FLVCR2: variants seen among roughly 807,000 people sequenced by gnomAD.
FLVCR2 encodes FLVCR choline and putative heme transporter 2, also known as choline/ethanolamine transporter FLVCR2.
Under a neutral mutation model 48.9 loss-of-function variants are expected in FLVCR2, and 38 were observed. The observed-to-expected ratio is 0.78, with a 90% CI of 0.60 to 1.02. FLVCR2 has a LOEUF of 1.02. FLVCR2 is among the 50% of genes least tolerant of loss of function. The probability of loss-of-function intolerance (pLI) is 0.00; values close to 1 mark genes in which losing one functional copy is unlikely to be tolerated. For synonymous variants in FLVCR2, 255 were observed against 257.0 expected, an observed-to-expected ratio of 0.99 and a Z score of 0.07; for missense variants, 664 against 663.3, an observed-to-expected ratio of 1.00 and a Z score of -0.01.
At chr14:75,585,931 G>A (rs944075312) in intron 1 of FLVCR2, among the ~76,000 whole-genome samples, 8 of 152,198 alleles carry the variant, frequency 5.3e-5, no homozygotes, top group African/African-American at 1.9e-4. Context: ...CCGCTTACCC[G>A]ATTGAAATTG....
chr14:75,591,980 TTTTG>T (rs1888894973), intron 1 of FLVCR2, among the ~76,000 whole-genome samples: 1 of 151,668 alleles, frequency 6.6e-6, no homozygotes, highest in Non-Finnish European at 1.5e-5. Context: ...ACCTGGTTAA[TTTTG>T]TTTCTTTTTT....
In FLVCR2 at chr14:75,596,089, T is replaced by C. The variant is rs1889011710; in HGVS notation, c.669+16448T>C. On this transcript the variant is annotated intron_variant, in intron 1 of 9. Coordinates refer to ENST00000238667, the MANE Select transcript of FLVCR2 (RefSeq NM_017791.3). ...TACATTTTGGCTAGTTTTTCCCAAA[T>C]TTCTGTCTTAGGCACTGTTGCCTTC... 9 of 1,106,912 alleles carry C rather than the reference T, an allele frequency of 8.1e-6. No individual in the cohort carries two copies. The Admixed American group carries it at 1.5e-4, about 19-fold the overall frequency. 68.6% of individuals were successfully genotyped at this position (1,106,912 alleles called of 1,614,324 possible).
chr14:75,624,386 A>AT (rs1221618729), intron 2 of FLVCR2, among the ~76,000 whole-genome samples: 1 of 152,112 alleles, frequency 6.6e-6, no homozygotes, highest in East Asian at 1.9e-4. Flanking sequence ...AGAAAATGGC[A>AT]TAAAAAATAA....
rs778121578 is a variant in FLVCR2, at chr14:75,579,195, C to T, written c.223C>T (p.Leu75Phe). ...AHPSSSGPED[L>F]SVIKVSRRRW... ...CCCCAGTAGCTCGGGCCCTGAGGAC[C>T]TCAGCGTGATCAAGGTGAGCAGGCG... The change falls in exon 1 of 10, where the codon CTC (leucine) becomes TTC (phenylalanine). Residue 75 changes from leucine (L) to phenylalanine (F), a missense_variant. Leu to Phe is a conservative substitution (Grantham distance 22). Coordinates refer to ENST00000238667, the MANE Select transcript of FLVCR2 (RefSeq NM_017791.3). The T allele has an allele frequency of 1.2e-6, 2 of 1,614,088 alleles. No individual in the cohort carries two copies. The highest frequency in any genetic ancestry group is 1.7e-6 in the Non-Finnish European group (2 of 1,180,046).
chr14:75,578,757 G>A lies in FLVCR2; in HGVS notation c.-216G>A, dbSNP rs991201528. The stretch of plus-strand genomic sequence containing the variant: ...GGCCGGCCTTGGGACAGCGATCGCC[G>A]CGGGTGGCAACAGAGAGCCCCAAGC... On this transcript the variant is annotated 5_prime_UTR_variant, in exon 1 of 10. Coordinates refer to ENST00000238667, the MANE Select transcript of FLVCR2 (RefSeq NM_017791.3). 5.3e-5 allele frequency: 32 copies of A among 605,198 alleles called. No homozygotes were observed. The highest frequency in any genetic ancestry group is 9.3e-5 in the Non-Finnish European group (32 of 342,466). The allele number at this position is 605,198 out of a possible 1,614,324, so 37.5% of individuals were successfully genotyped here. A position where few individuals can be genotyped will look rare whatever the true frequency, so the allele number is the denominator to read the frequency against.
chr14:75,600,759 G>A (rs1477539821), intron 1 of FLVCR2, among the ~76,000 whole-genome samples: 4 of 151,990 alleles, frequency 2.6e-5, no homozygotes, highest in Non-Finnish European at 4.4e-5. Context: ...ATGCATCAAA[G>A]GATGCTATTA....
At chr14:75,583,197 AT>A (rs1214400688) in intron 1 of FLVCR2, among the ~76,000 whole-genome samples, 6 of 152,194 alleles carry the variant, frequency 3.9e-5, no homozygotes, top group Non-Finnish European at 7.3e-5. Context: ...GGAGGGAGGC[AT>A]TGAGGATAGG....
chr14:75,641,059 A>G lies in FLVCR2; in HGVS notation c.1340A>G (p.Gln447Arg), dbSNP rs374732067. ...ISSGLLNISA[Q>R]VFGIIFTISQ... ...TCCGGCCTCCTCAACATATCTGCACAGGTAGAGCTCGTATTTCCTGTTTGT... is the reference window on the plus strand; with the variant it reads ...TCCGGCCTCCTCAACATATCTGCACGGGTAGAGCTCGTATTTCCTGTTTGT... Residue 447 changes from glutamine (Q) to arginine (R), a missense_variant and splice_region_variant, in exon 7 of 10, where the codon CAG becomes CGG. Transcript: ENST00000238667. 6.8e-6 allele frequency: 11 copies of G among 1,611,338 alleles called. No homozygotes were observed. The highest frequency in any genetic ancestry group is 1.3e-5 in the African/African-American group (1 of 74,990).
chr14:75,616,332 A>T (rs1889617105), intron 1 of FLVCR2, among the ~76,000 whole-genome samples: 1 of 151,892 alleles, frequency 6.6e-6, no homozygotes, highest in Admixed American at 6.6e-5. Flanking sequence ...TCTCAAAAAA[A>T]AAAAATTTTT....
At chr14:75,586,202 C>T (rs1382553126) in intron 1 of FLVCR2, among the ~76,000 whole-genome samples, 3 of 152,192 alleles carry the variant, frequency 2.0e-5, no homozygotes, top group African/African-American at 7.2e-5. Flanking sequence ...ATCATTAATT[C>T]TTACAGGTTT....
intron 1 of FLVCR2, chr14:75,605,858 T>C: frequency 3.7e-6 from 2 of 537,926 alleles, no homozygotes; most frequent in Non-Finnish European, 6.7e-6. Flanking sequence ...CTCCTTTTTT[T>C]CTTCTCTCCC....
intron 1 of FLVCR2, among the ~76,000 whole-genome samples, chr14:75,588,015 A>G (rs1342942297): frequency 6.6e-6 from 1 of 152,276 alleles, no homozygotes; most frequent in South Asian, 2.1e-4. Context: ...GCACTGTCCA[A>G]TAGAAATATA....
intron 1 of FLVCR2, among the ~76,000 whole-genome samples, chr14:75,584,457 C>G (rs371961458): frequency 6.6e-6 from 1 of 152,146 alleles, no homozygotes; most frequent in African/African-American, 2.4e-5. Context: ...GGCGGTAAAG[C>G]GTCTAAGGGT....
At chr14:75,596,194 C>A in intron 1 of FLVCR2, 1 of 712,126 alleles carries the variant, frequency 1.4e-6, no homozygotes, top group Non-Finnish European at 2.5e-6. Context: ...TGGATAGTTA[C>A]TGTGTCGTTC....
intron 1 of FLVCR2, among the ~76,000 whole-genome samples, chr14:75,593,910 C>G (rs1447375543): frequency 6.6e-6 from 1 of 152,228 alleles, no homozygotes; most frequent in Non-Finnish European, 1.5e-5. Flanking sequence ...AATCTTTCTG[C>G]TCTGCTTTCT....
intron 1 of FLVCR2, among the ~76,000 whole-genome samples, chr14:75,608,549 TG>T (rs1889356343): frequency 6.6e-6 from 1 of 152,122 alleles, no homozygotes; most frequent in African/African-American, 2.4e-5. Context: ...GACATAGGCC[TG>T]GGAGGGAGAA....
At chr14:75,585,558 G>C (rs1274367209) in intron 1 of FLVCR2, among the ~76,000 whole-genome samples, 1 of 152,152 alleles carries the variant, frequency 6.6e-6, no homozygotes, top group Admixed American at 6.5e-5. Context: ...ACAGAGAAGG[G>C]GGTGGGGAGC....
At chr14:75,589,444 C>T (rs2140007586) in intron 1 of FLVCR2, among the ~76,000 whole-genome samples, 1 of 152,320 alleles carries the variant, frequency 6.6e-6, no homozygotes, top group East Asian at 1.9e-4. Flanking sequence ...GGGGAAGGGA[C>T]TGGTCCCCCA....
At chr14:75,609,604 A>G (rs769319271) in intron 1 of FLVCR2, among the ~76,000 whole-genome samples, 1 of 152,172 alleles carries the variant, frequency 6.6e-6, no homozygotes, top group Non-Finnish European at 1.5e-5. Context: ...CTTGAAGTGC[A>G]TGCTCCAGAG....
Sources: allele counts gnomAD v4.1 joint callset (sites outside exome capture counted in the v4.1 genomes callset), GRCh38; gene constraint gnomAD v4.1.1; transcripts MANE v1.5; gene names NCBI Gene and HGNC (gene_info 2026-07-23, HGNC 2026-07-21).